The following DISP1 variants were observed in gnomAD, a reference collection of about 807,000 sequenced individuals.
DISP1 encodes the protein dispatched RND transporter family member 1.
In DISP1, 30 loss-of-function variants were observed where a neutral mutation model predicts 37.3. The observed-to-expected ratio is 0.80, with a 90% CI of 0.60 to 1.09. DISP1 has a LOEUF of 1.09. Ranked by LOEUF, DISP1 falls within the 50% of genes least tolerant of loss-of-function variation. The pLI is 0.00. For missense variants in DISP1, 1,598 were observed against 1,879.5 expected, an observed-to-expected ratio of 0.85 and a Z score of 2.77; for synonymous variants, 634 against 690.2, an observed-to-expected ratio of 0.92 and a Z score of 1.28.
At chr1:222,996,255 T>C (rs1679062337) in intron 8 of DISP1, among the ~76,000 whole-genome samples, 1 of 152,244 alleles carries the variant, frequency 6.6e-6, no homozygotes, top group South Asian at 2.1e-4. Flanking sequence ...CTCTTTGTCA[T>C]GCATTAGGAT....
At chr1:222,944,991 A>G (rs1483185331) in intron 3 of DISP1, among the ~76,000 whole-genome samples, 2 of 149,922 alleles carry the variant, frequency 1.3e-5, no homozygotes, top group African/African-American at 5.0e-5. Context: ...CAGCCTGGGC[A>G]ACATAGCAAA....
chr1:222,967,335 T>G (rs1024605691), intron 3 of DISP1, among the ~76,000 whole-genome samples: 1 of 152,110 alleles, frequency 6.6e-6, no homozygotes, highest in African/African-American at 2.4e-5. Context: ...GTTTGGTACT[T>G]AAGAGCAGAA....
chr1:222,946,241 G>A lies in DISP1; in HGVS notation c.509+2909G>A, dbSNP rs1322854096. On this transcript the variant is annotated intron_variant, in intron 3 of 8. Transcript: ENST00000675850. Reference sequence around the variant, plus strand: ...ACAAAAAAAAAAAAAAAAATTAGCCGGGCATGGTGGCGGGCGCCTGTAGTC... The same window carrying A: ...ACAAAAAAAAAAAAAAAAATTAGCCAGGCATGGTGGCGGGCGCCTGTAGTC... Among the ~76,000 whole-genome samples the A allele has an allele frequency of 6.0e-5, 9 of 150,468 alleles. No homozygotes were observed. In the Middle Eastern group the frequency reaches 0.01, roughly 171 times the overall value.
chr1:222,874,026 CT>C (rs1168242728), intron 1 of DISP1, among the ~76,000 whole-genome samples: 2 of 152,138 alleles, frequency 1.3e-5, no homozygotes, highest in African/African-American at 4.8e-5. Flanking sequence ...TTCTCCTTCA[CT>C]TATGAAACTT....
At chr1:222,907,595 G>T (rs1002268508) in intron 1 of DISP1, among the ~76,000 whole-genome samples, 2 of 152,182 alleles carry the variant, frequency 1.3e-5, no homozygotes, top group Non-Finnish European at 2.9e-5. Context: ...AAAGCAGTGA[G>T]ATTAGAGATT....
In DISP1 at chr1:222,983,311, C is replaced by T. The variant is rs4388710; in HGVS notation, c.539+202C>T. Among the ~76,000 whole-genome samples, 51,813 of 151,850 alleles carry T rather than the reference C, an allele frequency of 0.34. 9,525 individuals are homozygous for T. Among genetic ancestry groups the T allele is most frequent in the Middle Eastern group, 0.47 (137 of 294 alleles). On this transcript the variant is annotated intron_variant, in intron 4 of 8. Transcript: ENST00000675850. ...TTTAATCTTAAGGTAGATTTCTAAC[C>T]CTATTAAATTCTATTTGTGTCTAGG...
At chr1:222,936,851 TG>T (rs1359126089) in intron 2 of DISP1, among the ~76,000 whole-genome samples, 53 of 63,698 alleles carry the variant, frequency 8.3e-4, no homozygotes, top group Admixed American at 2.0e-3. Flanking sequence ...ATCATATATA[TG>T]ATATATAATT....
intron 1 of DISP1, among the ~76,000 whole-genome samples, chr1:222,853,299 G>T (rs1197236712): frequency 6.6e-6 from 1 of 152,124 alleles, no homozygotes; most frequent in Non-Finnish European, 1.5e-5. Flanking sequence ...TATGTTAGTG[G>T]GAATGTAAAT....
chr1:222,907,575 G>A (rs1232409524), intron 1 of DISP1, among the ~76,000 whole-genome samples: 2 of 152,242 alleles, frequency 1.3e-5, no homozygotes, highest in South Asian at 4.1e-4. Context: ...GGAAAGTCAG[G>A]TACCAAATAA....
chr1:222,847,665 G>A (rs749020479), intron 1 of DISP1, among the ~76,000 whole-genome samples: 4 of 151,782 alleles, frequency 2.6e-5, no homozygotes, highest in African/African-American at 4.8e-5. Context: ...GTGGAAACCT[G>A]GATTCTATTA....
At chr1:222,972,926 G>A (rs560565556) in intron 3 of DISP1, among the ~76,000 whole-genome samples, 120 of 152,216 alleles carry the variant, frequency 7.9e-4, no homozygotes, top group African/African-American at 2.8e-3. Flanking sequence ...GGAGGGGGTT[G>A]GAAATCTCTA....
chr1:222,862,690 G>A (rs1448603751), intron 1 of DISP1, among the ~76,000 whole-genome samples: 7 of 151,796 alleles, frequency 4.6e-5, no homozygotes, highest in Admixed American at 2.6e-4. Context: ...GTGCCACCAC[G>A]CTTGGGTCAT....
intron 1 of DISP1, among the ~76,000 whole-genome samples, chr1:222,876,838 G>A (rs1406574245): frequency 6.6e-6 from 1 of 152,100 alleles, no homozygotes; most frequent in African/African-American, 2.4e-5. Context: ...ATTCCTTGGG[G>A]AAACTCCATT....
chr1:222,977,204 A>AT (rs35587914), intron 3 of DISP1, among the ~76,000 whole-genome samples: 73,721 of 150,182 alleles, frequency 0.49, 19,203 homozygotes, highest in Non-Finnish European at 0.59. Context: ...TAGTTTTTGT[A>AT]TTTTTTTTTA....
intron 8 of DISP1, among the ~76,000 whole-genome samples, chr1:222,998,962 G>A (rs887979088): frequency 7.9e-5 from 12 of 152,108 alleles, no homozygotes; most frequent in Admixed American, 2.0e-4. Flanking sequence ...GGTTGGTTAC[G>A]CGTGGAGGAG....
At chr1:222,849,492 TA>T (rs139829307) in intron 1 of DISP1, among the ~76,000 whole-genome samples, 49 of 149,242 alleles carry the variant, frequency 3.3e-4, no homozygotes, top group Non-Finnish European at 5.8e-4. Flanking sequence ...TCACTGTACC[TA>T]AAAAAAAAAT....
intron 3 of DISP1, among the ~76,000 whole-genome samples, chr1:222,951,565 T>C (rs971176101): frequency 4.3e-5 from 5 of 115,064 alleles, no homozygotes; most frequent in East Asian, 2.7e-4. Flanking sequence ...CATTGTGGCA[T>C]GAACCTGATC....
rs751442180 is a variant in DISP1, at chr1:223,005,758, A to G, written c.4361A>G (p.His1454Arg). 1.9e-6 allele frequency: 3 copies of G among 1,614,226 alleles called. No homozygotes were observed. Among genetic ancestry groups the G allele is most frequent in the Non-Finnish European group, 2.5e-6 (3 of 1,180,042 alleles). The change falls in exon 9 of 9, where the codon CAT (histidine) becomes CGT (arginine). Residue 1454 changes from histidine (H) to arginine (R), a missense_variant. His to Arg is a conservative substitution (Grantham distance 29). Coordinates refer to ENST00000675850, the MANE Select transcript of DISP1 (RefSeq NM_001377229.1). ...SQTDASVNSE[H>R]FNQNEPKVLF... The stretch of plus-strand genomic sequence containing the variant: ...ACGGATGCAAGTGTGAACTCAGAAC[A>G]TTTCAATCAGAATGAACCAAAAGTC...
chr1:222,940,125 CAA>C (rs759722449), intron 2 of DISP1, among the ~76,000 whole-genome samples: 1 of 123,566 alleles, frequency 8.1e-6, no homozygotes, highest in African/African-American at 3.0e-5. Flanking sequence ...GACTCCATCT[CAA>C]AAAAAAAAAG....
Sources: allele counts gnomAD v4.1 joint callset (sites outside exome capture counted in the v4.1 genomes callset), GRCh38; gene constraint gnomAD v4.1.1; transcripts MANE v1.5; gene names NCBI Gene and HGNC (gene_info 2026-07-23, HGNC 2026-07-21).